Variants in LOC400499 observed in about 807,000 individuals in gnomAD.
At chr16:11,527,232 G>C in the LOC400499 span, among the ~76,000 whole-genome samples, 1 of 152,200 alleles carries the variant, frequency 6.6e-6, no homozygotes, top group Non-Finnish European at 1.5e-5. Context: ...GCTCAGCGTG[G>C]TCCTGAAAGG....
At chr16:11,488,104 G>A in the LOC400499 span, among the ~76,000 whole-genome samples, 88 of 136,944 alleles carry the variant, frequency 6.4e-4, no homozygotes, top group East Asian at 0.015. Flanking sequence ...GCAATAGGGC[G>A]ATAGTCCATG....
the LOC400499 span, among the ~76,000 whole-genome samples, chr16:11,426,734 G>C: frequency 6.6e-6 from 1 of 151,278 alleles, no homozygotes; most frequent in South Asian, 2.1e-4. Context: ...TTCCAGACCA[G>C]CCTGGGCAAC....
chr16:11,490,664 G>T, the LOC400499 span, among the ~76,000 whole-genome samples: 1 of 152,178 alleles, frequency 6.6e-6, no homozygotes, highest in African/African-American at 2.4e-5. Flanking sequence ...TCACACCACT[G>T]CACTCCAGGC....
the LOC400499 span, among the ~76,000 whole-genome samples, chr16:11,481,704 C>G: frequency 6.6e-6 from 1 of 151,988 alleles, no homozygotes; most frequent in Non-Finnish European, 1.5e-5. Context: ...GCTATCTTGG[C>G]TCTCGGCAAC....
chr16:11,420,834 C>T, the LOC400499 span, among the ~76,000 whole-genome samples: 1 of 152,296 alleles, frequency 6.6e-6, no homozygotes, highest in Admixed American at 6.5e-5. Context: ...TTCATTTTAA[C>T]GCCCTCCCCG....
chr16:11,498,781 C>T, the LOC400499 span, among the ~76,000 whole-genome samples: 1 of 151,754 alleles, frequency 6.6e-6, no homozygotes, highest in African/African-American at 2.4e-5. Context: ...CGATCGATGC[C>T]ACCTGCTTGG....
the LOC400499 span, among the ~76,000 whole-genome samples, chr16:11,465,998 G>A: frequency 1.3e-5 from 2 of 152,220 alleles, no homozygotes; most frequent in African/African-American, 2.4e-5. Flanking sequence ...AGAGAATGGT[G>A]TTCATGGCAG....
chr16:11,450,497 C>T, the LOC400499 span: 3 of 1,040,380 alleles, frequency 2.9e-6, no homozygotes, highest in South Asian at 1.6e-5. Flanking sequence ...AGACTTCACA[C>T]ACCTGTGAGC....
At chr16:11,388,086 TAG>T in the LOC400499 span, among the ~76,000 whole-genome samples, 1 of 152,190 alleles carries the variant, frequency 6.6e-6, no homozygotes, top group African/African-American at 2.4e-5. Flanking sequence ...GATGGGCCAG[TAG>T]AGAGGGAGCA....
chr16:11,448,937 G>T, the LOC400499 span: 1 of 1,489,150 alleles, frequency 6.7e-7, no homozygotes, highest in East Asian at 2.5e-5. Context: ...GGTGCCTGTA[G>T]GCCGCTGTTA....
the LOC400499 span, among the ~76,000 whole-genome samples, chr16:11,388,283 C>A: frequency 6.6e-6 from 1 of 152,164 alleles, no homozygotes; most frequent in Non-Finnish European, 1.5e-5. Context: ...CCAAGCCAAA[C>A]CCCGCCCTGG....
At chr16:11,424,475 G>A in the LOC400499 span, 1 of 398,142 alleles carries the variant, frequency 2.5e-6, no homozygotes, top group Non-Finnish European at 4.4e-6. Flanking sequence ...AGCATCCCCT[G>A]AGCCCCATAG....
the LOC400499 span, chr16:11,424,235 G>A: frequency 2.5e-6 from 1 of 399,222 alleles, no homozygotes; most frequent in Admixed American, 4.4e-5. Context: ...CGTCCTCCAG[G>A]CCAATGGCAC....
At chr16:11,502,848 T>C in the LOC400499 span, among the ~76,000 whole-genome samples, 1 of 151,696 alleles carries the variant, frequency 6.6e-6, no homozygotes, top group Non-Finnish European at 1.5e-5. Flanking sequence ...TCTCCTGACC[T>C]TGTGATCTGC....
chr16:11,411,237 C>T, the LOC400499 span: 12 of 399,428 alleles, frequency 3.0e-5, no homozygotes, highest in African/African-American at 2.3e-4. Flanking sequence ...GCAGCTGGGG[C>T]ACAGTTACCT....
chr16:11,476,334 G>A, the LOC400499 span, among the ~76,000 whole-genome samples: 1 of 151,974 alleles, frequency 6.6e-6, no homozygotes, highest in Non-Finnish European at 1.5e-5. Context: ...TCACAGACAA[G>A]CATGCCCCAG....
At chr16:11,406,976 G>C in the LOC400499 span, among the ~76,000 whole-genome samples, 1 of 152,218 alleles carries the variant, frequency 6.6e-6, no homozygotes, top group African/African-American at 2.4e-5. Context: ...ATCTGTTTTA[G>C]GTCACGCCCC....
At chr16:11,521,940 A>G in the LOC400499 span, 1 of 399,226 alleles carries the variant, frequency 2.5e-6, no homozygotes, top group Non-Finnish European at 4.4e-6. Context: ...CCGGTTGCCC[A>G]AAGACACTCA....
At chr16:11,456,471 A>C in the LOC400499 span, among the ~76,000 whole-genome samples, 4 of 152,162 alleles carry the variant, frequency 2.6e-5, no homozygotes, top group African/African-American at 9.7e-5. Context: ...ATAACGAGCA[A>C]GGGGGAGAGT....
Sources: allele counts gnomAD v4.1 joint callset (sites outside exome capture counted in the v4.1 genomes callset), GRCh38; gene constraint gnomAD v4.1.1; transcripts MANE v1.5.